Variants in SLCO1B3 observed in about 807,000 individuals in gnomAD.
SLCO1B3 encodes solute carrier organic anion transporter family member 1B3, also known as liver-specific organic anion transporter 2.
In SLCO1B3, 72 loss-of-function variants were observed where a neutral mutation model predicts 71.8. That is an observed-to-expected ratio of 1.00 (90% confidence interval 0.83 to 1.22). The LOEUF (loss-of-function observed/expected upper bound fraction) is 1.22. Among genes scored for constraint, SLCO1B3 ranks in the 50% most tolerant of loss-of-function variants. The pLI is 0.00. For synonymous variants in SLCO1B3, 298 were observed against 278.4 expected (o/e 1.07, Z -0.70); for missense variants, 911 against 819.7 (o/e 1.11, Z -1.36).
At chr12:20,876,324 T>C (rs1591775303) in intron 9 of SLCO1B3, among the ~76,000 whole-genome samples, 1 of 152,254 alleles carries the variant, frequency 6.6e-6, no homozygotes, top group East Asian at 1.9e-4. Flanking sequence ...TGGTAAGGTA[T>C]TGACAGCAGT....
intron 15 of SLCO1B3, among the ~76,000 whole-genome samples, chr12:20,905,138 C>T (rs1401868157): frequency 5.3e-5 from 8 of 152,138 alleles, no homozygotes; most frequent in Admixed American, 5.2e-4. Flanking sequence ...ACCTTGACTC[C>T]CCTTAGCCAT....
chr12:20,835,942 A>G (rs567522050), intron 3 of SLCO1B3, among the ~76,000 whole-genome samples: 1 of 152,312 alleles, frequency 6.6e-6, no homozygotes, highest in African/African-American at 2.4e-5. Context: ...GGTAATTTAT[A>G]AAGAAAAAGA....
chr12:20,862,442 G>A lies in SLCO1B3; in HGVS notation c.512G>A (p.Trp171Ter), dbSNP rs1435941743. The A allele has an allele frequency of 1.2e-6, 2 of 1,612,956 alleles. No homozygotes were observed. Among genetic ancestry groups the A allele is most frequent in the African/African-American group, 2.7e-5 (2 of 74,980 alleles). ...GTAAAGGAATCTGGGTCACACATGT[G>A]GATCTATGTCTTCATGGGGAATATG... ...DCVKESGSHM[W>*]IYVFMGNMLR... The change falls in exon 7 of 16, where the codon TGG (tryptophan) becomes TAG (stop). Residue 171 changes from tryptophan to a stop codon, truncating the protein, a stop_gained. Coordinates refer to ENST00000381545, the MANE Select transcript of SLCO1B3 (RefSeq NM_019844.4). LOFTEE classifies it high-confidence loss of function.
In SLCO1B3 at chr12:20,870,848, T is replaced by A. The variant is rs537672413; in HGVS notation, c.728-4387T>A. On this transcript the variant is annotated intron_variant, in intron 8 of 15. Coordinates refer to ENST00000381545, the MANE Select transcript of SLCO1B3 (RefSeq NM_019844.4). ...ATTTGAATCTGTGGATATATTTGAGTAGGTATGTTCCTTCTATTCCCAGAT... is the reference window on the plus strand; with the variant it reads ...ATTTGAATCTGTGGATATATTTGAGAAGGTATGTTCCTTCTATTCCCAGAT... Among the ~76,000 whole-genome samples the A allele has an allele frequency of 5.8e-4, 88 of 152,276 alleles. No individual in the cohort carries two copies. The South Asian group carries it at 0.018, about 31-fold the overall frequency.
chr12:20,908,978 G>T (rs1866311073), intron 15 of SLCO1B3, among the ~76,000 whole-genome samples: 3 of 152,048 alleles, frequency 2.0e-5, no homozygotes, highest in Admixed American at 2.0e-4. Context: ...CTTCAAAAGT[G>T]GCTGTATCAT....
At chr12:20,870,000 C>T (rs1332224910) in intron 8 of SLCO1B3, among the ~76,000 whole-genome samples, 1 of 152,086 alleles carries the variant, frequency 6.6e-6, no homozygotes, top group African/African-American at 2.4e-5. Flanking sequence ...ACACTTTTCT[C>T]ATTCTTTATT....
chr12:20,882,103 C>T (rs191762347), intron 12 of SLCO1B3, among the ~76,000 whole-genome samples: 3 of 152,144 alleles, frequency 2.0e-5, no homozygotes, highest in African/African-American at 7.2e-5. Context: ...CCATTTAATC[C>T]CTGGTCCTGT....
At chr12:20,815,186 C>T (rs1864171646) in intron 2 of SLCO1B3, among the ~76,000 whole-genome samples, 1 of 151,894 alleles carries the variant, frequency 6.6e-6, no homozygotes, top group Admixed American at 6.6e-5. Context: ...ATAGGCATCT[C>T]CTCTATGAAA....
intron 13 of SLCO1B3, among the ~76,000 whole-genome samples, chr12:20,887,353 A>C (rs2121326635): frequency 6.6e-6 from 1 of 151,956 alleles, no homozygotes; most frequent in African/African-American, 2.4e-5. Context: ...ATAAACATTC[A>C]TTTTTCTTTT....
intron 14 of SLCO1B3, among the ~76,000 whole-genome samples, chr12:20,898,883 G>A (rs1313190661): frequency 1.3e-5 from 2 of 152,184 alleles, no homozygotes; most frequent in African/African-American, 4.8e-5. Flanking sequence ...CAGCCCTAAA[G>A]TAGCTTGGGA....
chr12:20,912,072 A>C (rs1866389599), intron 15 of SLCO1B3, among the ~76,000 whole-genome samples: 1 of 152,054 alleles, frequency 6.6e-6, no homozygotes, highest in Non-Finnish European at 1.5e-5. Context: ...TGCATCCATA[A>C]CATTTGATGT....
intron 3 of SLCO1B3, among the ~76,000 whole-genome samples, chr12:20,849,798 A>G (rs1341346981): frequency 1.3e-5 from 2 of 152,042 alleles, no homozygotes; most frequent in African/African-American, 4.8e-5. Flanking sequence ...TAATTAAAGG[A>G]GTAAATCCAT....
Position 20,916,671 on chromosome 12 carries a change from T to C in SLCO1B3, c.*424T>C, listed in dbSNP as rs897372503. On this transcript the variant is annotated 3_prime_UTR_variant, in exon 16 of 16. Coordinates refer to ENST00000381545, the MANE Select transcript of SLCO1B3 (RefSeq NM_019844.4). ...ATTTATGCTATAATATATATTTTCATGTTAAGTTGTATATTTTTCAGAAAT... is the reference window on the plus strand; with the variant it reads ...ATTTATGCTATAATATATATTTTCACGTTAAGTTGTATATTTTTCAGAAAT... 1 of 152,236 alleles carries C rather than the reference T, an allele frequency of 6.6e-6. No homozygotes were observed. Among genetic ancestry groups the C allele is most frequent in the Non-Finnish European group, 1.5e-5 (1 of 68,064 alleles). 9.4% of individuals were successfully genotyped at this position (152,236 alleles called of 1,614,324 possible). A position where few individuals can be genotyped will look rare whatever the true frequency, so the allele number is the denominator to read the frequency against.
intron 13 of SLCO1B3, among the ~76,000 whole-genome samples, chr12:20,886,862 C>T (rs1193073861): frequency 1.3e-5 from 2 of 151,988 alleles, no homozygotes; most frequent in African/African-American, 4.8e-5. Flanking sequence ...TTCCCTCCCA[C>T]TCCCTTCCAC....
intron 3 of SLCO1B3, among the ~76,000 whole-genome samples, chr12:20,831,427 A>G (rs1241490423): frequency 6.6e-6 from 1 of 152,008 alleles, no homozygotes; most frequent in African/African-American, 2.4e-5. Context: ...AACCATTGCT[A>G]AATTGATTAA....
intron 4 of SLCO1B3, 27 bp downstream of exon 4, chr12:20,855,196 A>G: frequency 1.3e-6 from 2 of 1,575,956 alleles, no homozygotes; most frequent in South Asian, 1.1e-5. Flanking sequence ...CTATTTGATA[A>G]CCATACTTGC....
At position 20,827,911 on chromosome 12, in the gene SLCO1B3, C is replaced by T. The variant is rs373848758; in HGVS notation, c.84+12089C>T. On this transcript the variant is annotated intron_variant, in intron 3 of 15. Transcript: ENST00000381545. ...GTTTAACTAGATAGCCCTAAATTTGCATACTAAAGGAACAACTCTTAGGTG... is the reference window on the plus strand; with the variant it reads ...GTTTAACTAGATAGCCCTAAATTTGTATACTAAAGGAACAACTCTTAGGTG... Among the ~76,000 whole-genome samples, 5 of 152,070 alleles carry T rather than the reference C, an allele frequency of 3.3e-5. No individual in the cohort carries two copies. In the East Asian group the frequency reaches 7.7e-4, roughly 23 times the overall value.
intron 8 of SLCO1B3, among the ~76,000 whole-genome samples, chr12:20,864,387 T>C (rs1447815628): frequency 5.3e-5 from 8 of 152,190 alleles, no homozygotes; most frequent in Admixed American, 1.3e-4. Context: ...TAAACAAATA[T>C]GATTTTCTAT....
intron 3 of SLCO1B3, among the ~76,000 whole-genome samples, chr12:20,837,367 C>G (rs1380001131): frequency 6.6e-6 from 1 of 151,930 alleles, no homozygotes; most frequent in East Asian, 1.9e-4. Context: ...CTTTGAATTT[C>G]ATTTGCTGTT....
Sources: allele counts gnomAD v4.1 joint callset (sites outside exome capture counted in the v4.1 genomes callset), GRCh38; gene constraint gnomAD v4.1.1; transcripts MANE v1.5; gene names NCBI Gene and HGNC (gene_info 2026-07-23, HGNC 2026-07-21).